The following PLEKHG1 variants were observed in gnomAD, a reference collection of about 807,000 sequenced individuals.
PLEKHG1 encodes pleckstrin homology and RhoGEF domain containing G1.
Under a neutral mutation model 100.8 loss-of-function variants are expected in PLEKHG1, and 44 were observed. That is an observed-to-expected ratio of 0.44 (90% CI 0.34 to 0.56). The LOEUF (loss-of-function observed/expected upper bound fraction) is 0.56, where lower values mean the gene tolerates loss of function less well. Ranked by LOEUF, PLEKHG1 falls within the 20% of genes least tolerant of loss-of-function variation. PLEKHG1 has a pLI of 0.01. For synonymous variants in PLEKHG1, 640 were observed against 662.5 expected, an observed-to-expected ratio of 0.97 and a Z score of 0.52; for missense variants, 1,545 against 1,720.9, an observed-to-expected ratio of 0.90 and a Z score of 1.81.
rs141610846 is a variant in PLEKHG1 at position 150,757,561 on chromosome 6, A to ATGTG, written c.412-11061_412-11058dup. On this transcript the variant is annotated intron_variant, in intron 2 of 15. Coordinates refer to ENST00000358517, the Ensembl canonical transcript of PLEKHG1. ...CAGATTGTCTGTGGTGCACACAAGT[A>ATGTG]TGTGTGTGTGTGTGTGTGTATGTGT... 8.9e-4 allele frequency among the ~76,000 whole-genome samples: 134 copies of ATGTG among 150,252 alleles called. 1 individual carries two copies. The highest frequency in any genetic ancestry group is 2.7e-3 in the East Asian group (14 of 5,094).
chr6:150,604,338 T>C (rs1312266010), intron 1 of PLEKHG1, among the ~76,000 whole-genome samples: 2 of 152,284 alleles, frequency 1.3e-5, no homozygotes, highest in South Asian at 2.1e-4. Flanking sequence ...ACACGTAAAG[T>C]CCTAGGTGAG....
At chr6:150,761,969 TG>T (rs1784183744) in intron 2 of PLEKHG1, among the ~76,000 whole-genome samples, 1 of 152,146 alleles carries the variant, frequency 6.6e-6, no homozygotes, top group Admixed American at 6.5e-5. Flanking sequence ...AACAGGCGCA[TG>T]TATCATCTGT....
chr6:150,641,696 C>T (rs746826194), intron 2 of PLEKHG1, among the ~76,000 whole-genome samples: 55 of 152,004 alleles, frequency 3.6e-4, no homozygotes, highest in Non-Finnish European at 5.9e-4. Flanking sequence ...AAGTGTAAAA[C>T]GTTTTATTGG....
intron 2 of PLEKHG1, among the ~76,000 whole-genome samples, chr6:150,754,174 C>T (rs2128630903): frequency 6.6e-6 from 1 of 152,162 alleles, no homozygotes; most frequent in South Asian, 2.1e-4. Flanking sequence ...GATGAATGAG[C>T]CAGGTGGTGA....
chr6:150,840,408 C>A (rs951939998), exon 16 of PLEKHG1: 4 of 1,613,952 alleles, frequency 2.5e-6, no homozygotes, highest in Non-Finnish European at 3.4e-6. Context: ...GGACTTGCTG[C>A]CAGATATTGC....
At chr6:150,682,382 G>A (rs977101107) in intron 3 of PLEKHG1, among the ~76,000 whole-genome samples, 12 of 152,132 alleles carry the variant, frequency 7.9e-5, no homozygotes, top group East Asian at 3.9e-4. Context: ...CCACAGTGCC[G>A]CATCTGTCAG....
chr6:150,606,442 G>A (rs928069554), intron 1 of PLEKHG1, among the ~76,000 whole-genome samples: 1 of 152,178 alleles, frequency 6.6e-6, no homozygotes. Context: ...AATGGAGGAG[G>A]CTCCATTTAG....
At chr6:150,807,885 C>T (rs1787230692) in intron 7 of PLEKHG1, among the ~76,000 whole-genome samples, 1 of 152,114 alleles carries the variant, frequency 6.6e-6, no homozygotes, top group Non-Finnish European at 1.5e-5. Flanking sequence ...AGGAGAATCG[C>T]TTGAACCCAG....
At chr6:150,799,985 A>G (rs926365733) in intron 5 of PLEKHG1, among the ~76,000 whole-genome samples, 2 of 152,242 alleles carry the variant, frequency 1.3e-5, no homozygotes, top group African/African-American at 4.8e-5. Flanking sequence ...GTCTGTGCTC[A>G]TCACCTCGGG....
chr6:150,740,398 C>G (rs1421203989), intron 2 of PLEKHG1, among the ~76,000 whole-genome samples: 1 of 152,174 alleles, frequency 6.6e-6, no homozygotes, highest in African/African-American at 2.4e-5. Context: ...GCTTAGGATG[C>G]TGGACTAAAA....
intron 1 of PLEKHG1, among the ~76,000 whole-genome samples, chr6:150,631,524 G>A (rs1396462900): frequency 1.3e-5 from 2 of 152,190 alleles, no homozygotes; most frequent in Admixed American, 6.5e-5. Flanking sequence ...TGGCTTGGAC[G>A]CTGATCATAA....
intron 3 of PLEKHG1, among the ~76,000 whole-genome samples, chr6:150,669,631 T>C (rs1779519432): frequency 6.6e-6 from 1 of 150,516 alleles, no homozygotes; most frequent in Non-Finnish European, 1.5e-5. Flanking sequence ...AGTTTTGCTC[T>C]TGTTGCCCAG....
At chr6:150,724,861 T>G (rs142084522) in intron 1 of PLEKHG1, among the ~76,000 whole-genome samples, 12 of 152,314 alleles carry the variant, frequency 7.9e-5, no homozygotes, top group Admixed American at 6.5e-4. Context: ...GCGCCTGGCC[T>G]AGGGAATTTC....
chr6:150,843,419 G>C (rs1159869437), exon 16 of PLEKHG1: 1 of 152,146 alleles, frequency 6.6e-6, no homozygotes, highest in African/African-American at 2.4e-5. Context: ...GTTTAAAACA[G>C]TTTGTTTTAG....
chr6:150,780,257 T>G (rs1785236619), intron 3 of PLEKHG1, among the ~76,000 whole-genome samples: 2 of 150,726 alleles, frequency 1.3e-5, no homozygotes. Context: ...CGCCTCGACC[T>G]CCCGAGTAGC....
chr6:150,742,504 G>A (rs191853477), intron 2 of PLEKHG1, among the ~76,000 whole-genome samples: 1 of 149,238 alleles, frequency 6.7e-6, no homozygotes, highest in African/African-American at 2.5e-5. Flanking sequence ...GGCAGAGGTT[G>A]CAATGAGCCA....
At chr6:150,617,452 A>G (rs182435818) in intron 1 of PLEKHG1, among the ~76,000 whole-genome samples, 39 of 152,378 alleles carry the variant, frequency 2.6e-4, no homozygotes, top group Admixed American at 2.4e-3. Flanking sequence ...CCAGTTAATT[A>G]CGAGTGTGGC....
intron 1 of PLEKHG1, among the ~76,000 whole-genome samples, chr6:150,634,086 A>G (rs1326659450): frequency 1.4e-5 from 2 of 145,306 alleles, no homozygotes; most frequent in African/African-American, 5.1e-5. Flanking sequence ...TACTAACAAC[A>G]ACAAAAAAAA....
intron 3 of PLEKHG1, among the ~76,000 whole-genome samples, chr6:150,673,007 C>T (rs1354808488): frequency 6.6e-6 from 1 of 152,126 alleles, no homozygotes; most frequent in Non-Finnish European, 1.5e-5. Context: ...TGGTTGGTTG[C>T]ATTATATAAA....
Sources: allele counts gnomAD v4.1 joint callset (sites outside exome capture counted in the v4.1 genomes callset), GRCh38; gene constraint gnomAD v4.1.1; transcripts MANE v1.5; gene names NCBI Gene and HGNC (gene_info 2026-07-23, HGNC 2026-07-21).